ABR: variants seen among roughly 807,000 people sequenced by gnomAD.
ABR encodes active breakpoint cluster region-related protein.
Under a neutral mutation model 107.2 loss-of-function variants are expected in ABR, and 35 were observed. That is an observed-to-expected ratio of 0.33 (90% CI 0.25 to 0.43). The LOEUF is 0.43. ABR is among the 20% of genes least tolerant of loss of function. ABR has a pLI of 1.00. For missense variants in ABR, 815 were observed against 1,115.2 expected (o/e 0.73, Z 3.83); for synonymous variants, 498 against 462.0 (o/e 1.08, Z -1.00).
chr17:1,186,454 C>T (rs1042627825), intron 1 of ABR, among the ~76,000 whole-genome samples: 1 of 152,238 alleles, frequency 6.6e-6, no homozygotes, highest in Admixed American at 6.5e-5. Context: ...TTCACCCCCT[C>T]ACTGCCTCCC....
chr17:1,073,781 A>G (rs2035452895), intron 6 of ABR, 104 bp from the exon 7 acceptor site: 7 of 1,037,188 alleles, frequency 6.7e-6, no homozygotes, highest in Non-Finnish European at 8.4e-6. Flanking sequence ...TCCCACGTGA[A>G]CACCCCTCGA....
Position 1,057,076 on chromosome 17 carries a change from C to G in ABR, c.1408G>C (p.Val470Leu). 6.2e-7 allele frequency: 1 copy of G among 1,612,636 alleles called. No homozygotes were observed. Among genetic ancestry groups the G allele is most frequent in the Non-Finnish European group, 8.5e-7 (1 of 1,178,964 alleles). ...GATCCTGTGAGCACCTGGAGCTCCACTGAGCTCAGGACAAAGGCCTGGAGA... is the reference window on the plus strand; with the variant it reads ...GATCCTGTGAGCACCTGGAGCTCCAGTGAGCTCAGGACAAAGGCCTGGAGA... Reference protein sequence around the residue: ...KDLQAFVLSSVELQVLTGSCF... With the variant: ...KDLQAFVLSSLELQVLTGSCF... The change falls in exon 13 of 23, where the codon GTG becomes CTG. Residue 470 changes from valine (V) to leucine (L), a missense_variant. Val to Leu is a conservative substitution (Grantham distance 32). This residue lies in a region of ABR where 385 missense variants were observed against 596.9 expected (regional missense o/e 0.64). Transcript: ENST00000302538.
intron 1 of ABR, among the ~76,000 whole-genome samples, chr17:1,226,326 GCT>G (rs1358996478): frequency 1.3e-5 from 2 of 152,126 alleles, no homozygotes; most frequent in South Asian, 2.1e-4. Context: ...ATGCTTGAGG[GCT>G]CTTTCTCCTA....
intron 12 of ABR, 78 bp downstream of exon 12, chr17:1,057,892 C>T: frequency 7.5e-7 from 1 of 1,329,656 alleles, no homozygotes; most frequent in Non-Finnish European, 1.1e-6. Flanking sequence ...TGATACTGGA[C>T]ATGAAACGCT....
intron 2 of ABR, among the ~76,000 whole-genome samples, chr17:1,104,994 T>C (rs2038148926): frequency 1.3e-5 from 2 of 151,804 alleles, no homozygotes; most frequent in Non-Finnish European, 2.9e-5. Flanking sequence ...ATATTGTTCT[T>C]TACAGTAACT....
intron 1 of ABR, among the ~76,000 whole-genome samples, chr17:1,146,828 C>T (rs977913015): frequency 3.5e-4 from 50 of 140,920 alleles, no homozygotes; most frequent in Non-Finnish European, 5.2e-4. Flanking sequence ...CACTGCCACA[C>T]GACACCACTG....
At chr17:1,044,021 G>T (rs1164756219) in intron 16 of ABR, among the ~76,000 whole-genome samples, 2 of 152,226 alleles carry the variant, frequency 1.3e-5, no homozygotes, top group Non-Finnish European at 2.9e-5. Context: ...AAGGGAAAGC[G>T]CTCTCCTCAG....
chr17:1,140,541 C>T (rs2040245980), intron 1 of ABR, among the ~76,000 whole-genome samples: 1 of 152,156 alleles, frequency 6.6e-6, no homozygotes, highest in African/African-American at 2.4e-5. Context: ...ACCACCTCAC[C>T]TACAACAATA....
intron 2 of ABR, among the ~76,000 whole-genome samples, chr17:1,113,275 G>T (rs2038803495): frequency 7.5e-6 from 1 of 133,592 alleles, no homozygotes; most frequent in Non-Finnish European, 1.6e-5. Flanking sequence ...AACACCTATT[G>T]CGATTTTTTT....
At chr17:1,031,128 G>C (rs940084517) in intron 16 of ABR, among the ~76,000 whole-genome samples, 1 of 151,996 alleles carries the variant, frequency 6.6e-6, no homozygotes, top group Non-Finnish European at 1.5e-5. Flanking sequence ...CGAGCCCCCA[G>C]ACCCGGCAGC....
At chr17:1,173,870 G>A (rs1266093329) in intron 1 of ABR, among the ~76,000 whole-genome samples, 1 of 152,222 alleles carries the variant, frequency 6.6e-6, no homozygotes, top group East Asian at 1.9e-4. Context: ...GTCCCTCGAG[G>A]CTTTCCCGGA....
At chr17:1,105,247 T>C (rs2038167936) in intron 2 of ABR, among the ~76,000 whole-genome samples, 1 of 152,012 alleles carries the variant, frequency 6.6e-6, no homozygotes, top group Non-Finnish European at 1.5e-5. Flanking sequence ...GACCTCATGA[T>C]CCACCGCGCC....
At chr17:1,101,355 A>G (rs1049874068) in intron 2 of ABR, 26 of 152,318 alleles carry the variant, frequency 1.7e-4, no homozygotes, top group African/African-American at 5.8e-4. Context: ...AATATACAAA[A>G]CATGCAGAAA....
At chr17:1,189,144 G>A (rs1397112080), upstream of ABR, among the ~76,000 whole-genome samples, 1 of 152,164 alleles carries the variant, frequency 6.6e-6, no homozygotes, top group African/African-American at 2.4e-5. Flanking sequence ...GTGAAGAAGG[G>A]TGAGACTCCG....
chr17:1,152,234 G>A (rs2040825621), intron 1 of ABR, among the ~76,000 whole-genome samples: 1 of 151,308 alleles, frequency 6.6e-6, no homozygotes. Context: ...AGTGAGCCGA[G>A]ATCGCGCCAC....
chr17:1,224,498 A>G (rs186879485), intron 1 of ABR, among the ~76,000 whole-genome samples: 11 of 152,248 alleles, frequency 7.2e-5, no homozygotes, highest in Admixed American at 6.5e-4. Context: ...GGATTGCCCA[A>G]TAAAACCTGA....
intron 1 of ABR, chr17:1,228,029 T>C (rs2043254325): frequency 6.6e-6 from 1 of 152,216 alleles, no homozygotes; most frequent in Non-Finnish European, 1.5e-5. Context: ...GGTGAAGGTC[T>C]CAGCTCACCC....
At chr17:1,043,587 C>T (rs978451344) in intron 16 of ABR, among the ~76,000 whole-genome samples, 3 of 152,312 alleles carry the variant, frequency 2.0e-5, no homozygotes, top group Middle Eastern at 3.4e-3. Flanking sequence ...AGTACAGTAG[C>T]GCAATCCTTA....
chr17:1,150,279 G>A lies in ABR; in HGVS notation c.62-24912C>T, dbSNP rs140709928. Among the ~76,000 whole-genome samples, 475 of 152,282 alleles carry A rather than the reference G, an allele frequency of 3.1e-3. 1 individual carries two copies. Among genetic ancestry groups the A allele is most frequent in the African/African-American group, 0.011 (441 of 41,564 alleles). ...TAACAGAGCACTTGGCCAAGCCAGC[G>A]CGATGTCTGCACTCAGATCTCCTCT... is the stretch of plus-strand genomic sequence containing the variant. On this transcript the variant is annotated intron_variant, in intron 1 of 22. Coordinates refer to ENST00000302538, the MANE Select transcript of ABR (RefSeq NM_021962.5). This position sits in a 1 kb window ranked among gnomAD's most constrained non-coding sequence, Gnocchi z 4.8.
Sources: gnomAD v4.1 joint callset for allele counts (sites outside exome capture counted in the v4.1 genomes callset) on GRCh38, gnomAD v4.1.1 for gene constraint, gnomAD v4.1.1 regional missense constraint, Gnocchi (gnomAD v3.1) non-coding constraint, MANE v1.5 for transcripts, NCBI Gene and HGNC (gene_info 2026-07-23, HGNC 2026-07-21) for gene names.